Variants in PPM1E observed in about 807,000 individuals in gnomAD.
The protein encoded by PPM1E is protein phosphatase, Mg2+/Mn2+ dependent 1E, also known as protein phosphatase 1E.
A neutral mutation model predicts 65.9 loss-of-function variants in PPM1E; 20 were observed. The ratio of observed to expected loss-of-function variants is 0.30; its 90% CI spans 0.21 to 0.44. The LOEUF is 0.44. Among genes scored for constraint, PPM1E ranks in the 20% least tolerant of loss-of-function variants. PPM1E has a pLI of 1.00. For synonymous variants in PPM1E, 352 were observed against 374.9 expected (o/e 0.94, Z 0.70); for missense variants, 713 against 953.1 (o/e 0.75, Z 3.32).
intron 1 of PPM1E, among the ~76,000 whole-genome samples, chr17:58,880,121 G>A (rs1598625875): frequency 6.6e-6 from 1 of 152,154 alleles, no homozygotes; most frequent in South Asian, 2.1e-4. Context: ...AGGCTTAAAA[G>A]ATAACAGTTA....
At chr17:58,880,663 G>A (rs1050523589) in intron 1 of PPM1E, among the ~76,000 whole-genome samples, 2 of 151,954 alleles carry the variant, frequency 1.3e-5, no homozygotes, top group African/African-American at 2.4e-5. Context: ...TTACTCTGTC[G>A]CCCAGGCTGG....
intron 1 of PPM1E, among the ~76,000 whole-genome samples, chr17:58,823,568 AT>A (rs1161392048): frequency 6.6e-6 from 1 of 151,802 alleles, no homozygotes; most frequent in Non-Finnish European, 1.5e-5. Flanking sequence ...TTGTTCAGTT[AT>A]TTTTTTTCCC....
At chr17:58,897,037 A>G (rs1598636457) in intron 1 of PPM1E, among the ~76,000 whole-genome samples, 1 of 152,192 alleles carries the variant, frequency 6.6e-6, no homozygotes, top group East Asian at 1.9e-4. Flanking sequence ...CCTGGATGAC[A>G]GCACATCTGT....
At position 58,955,512 on chromosome 17, in the gene PPM1E, A is replaced by C. The variant is rs780554345; in HGVS notation, c.465-137A>C. 4.1e-6 allele frequency: 4 copies of C among 986,356 alleles called. No individual in the cohort carries two copies. In the Admixed American group the frequency reaches 8.2e-5, roughly 20 times the overall value. 61.1% of individuals were successfully genotyped at this position (986,356 alleles called of 1,614,324 possible). On this transcript the variant is annotated intron_variant, in intron 1 of 6. Transcript: ENST00000308249. ...CAGTGCCCAGAGTGCCTACTCAATAAATATTTATTGAATATTGTTTAAAGG... is the reference window on the plus strand; with the variant it reads ...CAGTGCCCAGAGTGCCTACTCAATACATATTTATTGAATATTGTTTAAAGG...
At chr17:58,978,570 G>C (rs929189281) in intron 6 of PPM1E, among the ~76,000 whole-genome samples, 2 of 152,124 alleles carry the variant, frequency 1.3e-5, no homozygotes, top group Non-Finnish European at 2.9e-5. Flanking sequence ...AATTAGCCAG[G>C]TGTGGTGGCG....
At chr17:58,884,089 G>A (rs1283449626) in intron 1 of PPM1E, among the ~76,000 whole-genome samples, 1 of 152,070 alleles carries the variant, frequency 6.6e-6, no homozygotes, top group Non-Finnish European at 1.5e-5. Context: ...TACTGTACCT[G>A]GTGTCCTCTA....
intron 1 of PPM1E, among the ~76,000 whole-genome samples, chr17:58,816,778 ATATATATATATATATATT>A (rs1201166482): frequency 0.031 from 298 of 9,556 alleles, 6 homozygotes; most frequent in South Asian, 0.083. Context: ...ATATATATAT[ATATATATATATATATATT>A]TTTTTTTTTT....
chr17:58,861,098 A>G (rs1237829940), intron 1 of PPM1E, among the ~76,000 whole-genome samples: 1 of 152,190 alleles, frequency 6.6e-6, no homozygotes, highest in Non-Finnish European at 1.5e-5. Context: ...AAGCACGGAT[A>G]TATTTCTGGT....
intron 2 of PPM1E, among the ~76,000 whole-genome samples, chr17:58,956,732 A>G (rs2029881646): frequency 6.6e-6 from 1 of 152,164 alleles, no homozygotes; most frequent in Non-Finnish European, 1.5e-5. Flanking sequence ...TTTTATAAAA[A>G]TTAGAGAATT....
At chr17:58,946,576 C>T (rs988745555) in intron 1 of PPM1E, among the ~76,000 whole-genome samples, 4 of 152,112 alleles carry the variant, frequency 2.6e-5, no homozygotes, top group African/African-American at 7.2e-5. Context: ...CTGCCTCAGC[C>T]TCCCAATTAG....
rs186878378 is a variant in PPM1E, at chr17:58,792,265, T to C, written c.464+35804T>C. ...ACAATAATAATTATTATAGTAATAATAATTATTACTATATGATATTATATA... is the reference window on the plus strand; with the variant it reads ...ACAATAATAATTATTATAGTAATAACAATTATTACTATATGATATTATATA... On this transcript the variant is annotated intron_variant, in intron 1 of 6. Coordinates refer to ENST00000308249, the MANE Select transcript of PPM1E (RefSeq NM_014906.5). Among the ~76,000 whole-genome samples the C allele has an allele frequency of 1.1e-3, 156 of 148,382 alleles. 1 individual carries two copies. The highest frequency in any genetic ancestry group is 3.6e-3 in the African/African-American group (148 of 40,892).
At chr17:58,962,064 C>T (rs2030047699) in intron 2 of PPM1E, among the ~76,000 whole-genome samples, 1 of 152,132 alleles carries the variant, frequency 6.6e-6, no homozygotes, top group African/African-American at 2.4e-5. Flanking sequence ...GCGAGTGGAT[C>T]ACCTGAGGTC....
rs747236646 is a variant in PPM1E, at chr17:58,795,929, A to G, written c.464+39468A>G. On this transcript the variant is annotated intron_variant, in intron 1 of 6. Coordinates refer to ENST00000308249, the MANE Select transcript of PPM1E (RefSeq NM_014906.5). ...ACGTTTCTTATAGATTTTGGATATT[A>G]GACCTTTGTCAGATGCATAGTTTGC... 9.2e-5 allele frequency among the ~76,000 whole-genome samples: 14 copies of G among 152,288 alleles called. No individual in the cohort carries two copies. In the South Asian group the frequency reaches 1.0e-3, roughly 11 times the overall value.
chr17:58,794,330 G>A (rs562998766), intron 1 of PPM1E, among the ~76,000 whole-genome samples: 4 of 151,314 alleles, frequency 2.6e-5, no homozygotes, highest in South Asian at 2.1e-4. Context: ...CTCCTGCCTC[G>A]GCCTCCCAAA....
At chr17:58,926,333 A>C (rs990905797) in intron 1 of PPM1E, among the ~76,000 whole-genome samples, 4 of 151,914 alleles carry the variant, frequency 2.6e-5, no homozygotes, top group Non-Finnish European at 5.9e-5. Flanking sequence ...CTCTTGTCTA[A>C]ATTAAAAAAA....
rs577947719 is a variant in PPM1E at position 58,812,204 on chromosome 17, T to C, written c.464+55743T>C. On this transcript the variant is annotated intron_variant, in intron 1 of 6. Transcript: ENST00000308249. ...CTGTAGTCCCAGCTACCAGGGAGGC[T>C]GAGGCAGGAGAAAGGCATGAACCTG... 2.8e-5 allele frequency among the ~76,000 whole-genome samples: 4 copies of C among 145,376 alleles called. No individual in the cohort carries two copies. The South Asian group carries it at 8.6e-4, about 31-fold the overall frequency.
intron 1 of PPM1E, among the ~76,000 whole-genome samples, chr17:58,800,968 T>G (rs2050253062): frequency 6.6e-6 from 1 of 152,182 alleles, no homozygotes; most frequent in African/African-American, 2.4e-5. Context: ...TTTTATTTAC[T>G]CTGGGTTTAC....
chr17:58,937,907 A>C (rs1299832703), intron 1 of PPM1E, among the ~76,000 whole-genome samples: 1 of 149,688 alleles, frequency 6.7e-6, no homozygotes, highest in African/African-American at 2.5e-5. Flanking sequence ...AAAGAAAGAA[A>C]AGAAAGAAAG....
chr17:58,873,103 A>G (rs2051089520), intron 1 of PPM1E, among the ~76,000 whole-genome samples: 1 of 152,310 alleles, frequency 6.6e-6, no homozygotes, highest in East Asian at 1.9e-4. Flanking sequence ...GTTTCACACC[A>G]TCATAGGCCT....
Sources: allele counts gnomAD v4.1 joint callset (sites outside exome capture counted in the v4.1 genomes callset), GRCh38; gene constraint gnomAD v4.1.1; transcripts MANE v1.5; gene names NCBI Gene and HGNC (gene_info 2026-07-23, HGNC 2026-07-21).